MAD1L1: variants seen among roughly 807,000 people sequenced by gnomAD.
MAD1L1 encodes mitotic spindle assembly checkpoint protein MAD1.
Under a neutral mutation model 96.9 loss-of-function variants are expected in MAD1L1, and 95 were observed. The ratio of observed to expected loss-of-function variants is 0.98; its 90% CI spans 0.83 to 1.16. The LOEUF (loss-of-function observed/expected upper bound fraction) is 1.16, where lower values mean the gene tolerates loss of function less well. Ranked by LOEUF, MAD1L1 falls within the 50% of genes most tolerant of loss-of-function variation. The pLI, the probability that MAD1L1 is intolerant of heterozygous loss-of-function variation, is 0.00. For missense variants in MAD1L1, 1,007 were observed against 954.4 expected (o/e 1.06, Z -0.73); for synonymous variants, 473 against 396.6 (o/e 1.19, Z -2.29).
At chr7:1,943,833 T>G (rs1048248070) in intron 16 of MAD1L1, among the ~76,000 whole-genome samples, 3 of 151,926 alleles carry the variant, frequency 2.0e-5, no homozygotes, top group African/African-American at 7.3e-5. Flanking sequence ...CATCCAGATG[T>G]CCATCAGGCG....
chr7:1,979,300 G>A (rs1196456489), intron 15 of MAD1L1, among the ~76,000 whole-genome samples: 4 of 152,212 alleles, frequency 2.6e-5, no homozygotes, highest in African/African-American at 9.6e-5. Context: ...CCTGTTCTCA[G>A]TTCCTCTGAT....
intron 12 of MAD1L1, among the ~76,000 whole-genome samples, chr7:2,057,897 G>A (rs143775367): frequency 8.5e-5 from 13 of 152,344 alleles, no homozygotes; most frequent in Middle Eastern, 3.4e-3. Context: ...AGGAGACAAG[G>A]TGCCTACTGT....
chr7:2,107,127 C>T (rs1010877815), intron 11 of MAD1L1, among the ~76,000 whole-genome samples: 3 of 152,216 alleles, frequency 2.0e-5, no homozygotes, highest in African/African-American at 4.8e-5. Flanking sequence ...CACCGGGAGG[C>T]GTGGAAGGAG....
At position 2,162,007 on chromosome 7, in the gene MAD1L1, G is replaced by T. The variant is rs562517498; in HGVS notation, c.987-12769C>A. ...CCCCCGCCCATCCGGGAGGTGGGGG[G>T]CGGCCCCTGCCCATCCACCCGGCCG... On this transcript the variant is annotated intron_variant, in intron 10 of 18. Transcript: ENST00000265854. Among the ~76,000 whole-genome samples, 22 of 139,850 alleles carry T rather than the reference G, an allele frequency of 1.6e-4. 1 individual carries two copies. The South Asian group carries it at 5.3e-3, about 34-fold the overall frequency. 91.7% of individuals were successfully genotyped at this position (139,850 alleles called of 152,430 possible). A position where few individuals can be genotyped will look rare whatever the true frequency, so the allele number is the denominator to read the frequency against.
intron 10 of MAD1L1, among the ~76,000 whole-genome samples, chr7:2,189,330 T>C (rs1035232532): frequency 1.3e-5 from 2 of 152,224 alleles, no homozygotes; most frequent in African/African-American, 4.8e-5. Flanking sequence ...CTCTAAGAGA[T>C]ATCTGCCCGC....
chr7:1,873,336 G>C (rs1308499649), intron 18 of MAD1L1, among the ~76,000 whole-genome samples: 1 of 152,202 alleles, frequency 6.6e-6, no homozygotes, highest in Admixed American at 6.5e-5. Flanking sequence ...GCCCTAAATG[G>C]GGTTGTAATT....
rs1218716330 is a variant in MAD1L1, at chr7:1,838,891, G to A, written c.1999-22663C>T. The A allele has an allele frequency of 1.7e-5, 8 of 470,618 alleles. No individual in the cohort carries two copies. The East Asian group carries it at 3.5e-4, about 20-fold the overall frequency. The allele number at this position is 470,618 out of a possible 1,614,324, so 29.2% of individuals were successfully genotyped here. ...CAGGTAAGACTACCTAAGGTTCCAG[G>A]CACACCCTGGGGCGGGGAGGAGGCT... On this transcript the variant is annotated intron_variant, in intron 18 of 18. Transcript: ENST00000265854.
rs566408336 is a variant in MAD1L1, at chr7:1,920,235, TGTGC to T, written c.1807+16448_1807+16451del. Among the ~76,000 whole-genome samples, 132 of 152,314 alleles carry T rather than the reference TGTGC, an allele frequency of 8.7e-4. 2 individuals are homozygous for T. Among genetic ancestry groups the T allele is most frequent in the African/African-American group, 2.0e-3 (82 of 41,554 alleles). ...CAACTCCCTGTAACAAGCATCTCCG[TGTGC>T]GTGCGTGCGTGCGTGTGCATGTGCG... On this transcript the variant is annotated intron_variant, in intron 17 of 18. Coordinates refer to ENST00000265854, the MANE Select transcript of MAD1L1 (RefSeq NM_001013836.2).
chr7:2,005,647 A>G (rs1337369721), intron 13 of MAD1L1, among the ~76,000 whole-genome samples: 1 of 152,046 alleles, frequency 6.6e-6, no homozygotes, highest in East Asian at 1.9e-4. Context: ...TAAAAAATTT[A>G]AAAATCAGCT....
At chr7:1,892,993 C>G (rs4721164) in intron 18 of MAD1L1, among the ~76,000 whole-genome samples, 53,770 of 152,106 alleles carry the variant, frequency 0.35, 11,431 homozygotes, top group African/African-American at 0.6. Context: ...GGGAAAATTC[C>G]GTGAGAACCA....
At chr7:2,002,010 C>T (rs896250924) in intron 14 of MAD1L1, 55 bp downstream of exon 14, 2 of 1,586,826 alleles carry the variant, frequency 1.3e-6, no homozygotes, top group Non-Finnish European at 1.7e-6. Flanking sequence ...GGCGTCCCTG[C>T]CCAGACCCAG....
At chr7:1,896,632 G>A (rs778253925) in intron 18 of MAD1L1, among the ~76,000 whole-genome samples, 1 of 152,202 alleles carries the variant, frequency 6.6e-6, no homozygotes, top group African/African-American at 2.4e-5. Context: ...GCAGGACAGC[G>A]GCCACCTTTC....
rs1781824306 is a variant in MAD1L1, at chr7:2,002,105, G to A, written c.1376C>T (p.Ala459Val). Residue 459 changes from alanine to valine, a missense_variant, in exon 14 of 19, where the codon GCC becomes GTC. Physicochemically the swap from Ala to Val is moderately conservative, Grantham distance 64. Coordinates refer to ENST00000265854, the MANE Select transcript of MAD1L1 (RefSeq NM_001013836.2). ...SAEMEAQLSQ[A>V]LEELGGQKQR... ...TTTCTGGCCTCCCAGCTCCTCCAGG[G>A]CCTGCGACAGCTGAGCCTGCAAGAC... 1 of 1,613,044 alleles carries A rather than the reference G, an allele frequency of 6.2e-7. No homozygotes were observed. The highest frequency in any genetic ancestry group is 8.5e-7 in the Non-Finnish European group (1 of 1,180,016).
intron 10 of MAD1L1, among the ~76,000 whole-genome samples, chr7:2,154,625 AAAAT>A (rs1247943659): frequency 6.6e-6 from 1 of 152,252 alleles, no homozygotes; most frequent in East Asian, 1.9e-4. Context: ...ATTATGTATA[AAAAT>A]AAATAAATGG....
intron 14 of MAD1L1, among the ~76,000 whole-genome samples, chr7:2,000,291 T>C (rs1781735498): frequency 6.6e-6 from 1 of 152,018 alleles, no homozygotes; most frequent in South Asian, 2.1e-4. Flanking sequence ...GCCATTGCAG[T>C]CCTAGCCCAG....
intron 11 of MAD1L1, among the ~76,000 whole-genome samples, chr7:2,111,223 C>T (rs1207388127): frequency 1.3e-5 from 2 of 152,176 alleles, no homozygotes; most frequent in Non-Finnish European, 2.9e-5. Flanking sequence ...TCTGTGTGAT[C>T]GTCCCACAGA....
At chr7:2,132,752 T>C (rs975490816) in intron 11 of MAD1L1, among the ~76,000 whole-genome samples, 1 of 152,228 alleles carries the variant, frequency 6.6e-6, no homozygotes, top group African/African-American at 2.4e-5. Flanking sequence ...AGAACAGTAT[T>C]TGAGTGAATG....
At chr7:2,128,357 CAGAA>C (rs1243758667) in intron 11 of MAD1L1, among the ~76,000 whole-genome samples, 1 of 152,112 alleles carries the variant, frequency 6.6e-6, no homozygotes, top group Admixed American at 6.5e-5. Flanking sequence ...GCCCTGGTGC[CAGAA>C]AGAGAGGGCG....
chr7:1,959,535 C>G (rs749517172), intron 15 of MAD1L1, among the ~76,000 whole-genome samples: 4 of 152,178 alleles, frequency 2.6e-5, no homozygotes, highest in Non-Finnish European at 5.9e-5. Flanking sequence ...TCAGGACAAG[C>G]CTGCTCAGGA....
Sources: allele counts gnomAD v4.1 joint callset (sites outside exome capture counted in the v4.1 genomes callset), GRCh38; gene constraint gnomAD v4.1.1; transcripts MANE v1.5; gene names NCBI Gene and HGNC (gene_info 2026-07-23, HGNC 2026-07-21).